The following MCPH1 variants were observed in gnomAD, a reference collection of about 807,000 sequenced individuals.
MCPH1 encodes microcephalin.
Under a neutral mutation model 84.5 loss-of-function variants are expected in MCPH1, and 104 were observed. The ratio of observed to expected loss-of-function variants is 1.23; its 90% confidence interval spans 1.05 to 1.45. The LOEUF (loss-of-function observed/expected upper bound fraction) is 1.45, where lower values mean the gene tolerates loss of function less well. Among genes scored for constraint, MCPH1 ranks in the 40% most tolerant of loss-of-function variants. The pLI is 0.00. For missense variants in MCPH1, 1,498 were observed against 1,005.7 expected, an observed-to-expected ratio of 1.49 and a Z score of -6.62; for synonymous variants, 514 against 366.8, an observed-to-expected ratio of 1.40 and a Z score of -4.58.
intron 12 of MCPH1, among the ~76,000 whole-genome samples, chr8:6,584,865 C>G (rs1827846700): frequency 6.6e-6 from 1 of 152,114 alleles, no homozygotes; most frequent in Non-Finnish European, 1.5e-5. Flanking sequence ...CACAGTTACC[C>G]CATATTTGAT....
chr8:6,505,540 T>A (rs11786947), intron 12 of MCPH1, among the ~76,000 whole-genome samples: 1 of 67,356 alleles, frequency 1.5e-5, no homozygotes, highest in Non-Finnish European at 4.0e-5. Context: ...TATGTATATA[T>A]AGAATATATA....
At chr8:6,628,332 G>A (rs1020794687) in intron 13 of MCPH1, among the ~76,000 whole-genome samples, 10 of 151,944 alleles carry the variant, frequency 6.6e-5, no homozygotes, top group South Asian at 4.2e-4. Flanking sequence ...TTAGCCGGTC[G>A]TGGTGGCAGG....
Position 6,636,310 on chromosome 8 carries a change from AG to A in MCPH1, c.2453-6683del, listed in dbSNP as rs538336768. 1.5e-3 allele frequency among the ~76,000 whole-genome samples: 230 copies of A among 150,582 alleles called. 1 individual carries two copies. The highest frequency in any genetic ancestry group is 5.4e-3 in the African/African-American group (222 of 40,794). On this transcript the variant is annotated intron_variant, in intron 13 of 13. Transcript: ENST00000344683. ...AGCCAAGATTTCACCACTGCACTCCAGCCTGTGTGACAGAGAGACTGTCTCA... is the reference window on the plus strand; with the variant it reads ...AGCCAAGATTTCACCACTGCACTCCACCTGTGTGACAGAGAGACTGTCTCA...
chr8:6,555,240 A>G (rs1369870891), intron 12 of MCPH1, among the ~76,000 whole-genome samples: 1 of 152,162 alleles, frequency 6.6e-6, no homozygotes, highest in Non-Finnish European at 1.5e-5. Flanking sequence ...GACAATAACA[A>G]TCAAACCGTT....
intron 11 of MCPH1, among the ~76,000 whole-genome samples, chr8:6,498,534 G>T (rs1422157749): frequency 1.3e-5 from 2 of 152,144 alleles, no homozygotes; most frequent in African/African-American, 4.8e-5. Flanking sequence ...TTTAGAAACG[G>T]CTAAATTTAG....
intron 13 of MCPH1, among the ~76,000 whole-genome samples, chr8:6,628,418 C>T (rs528779318): frequency 1.4e-5 from 2 of 138,560 alleles, no homozygotes; most frequent in South Asian, 2.3e-4. Flanking sequence ...TGCAGTGAGC[C>T]GAGATCACGC....
At chr8:6,464,921 C>T (rs1252167548) in intron 9 of MCPH1, among the ~76,000 whole-genome samples, 1 of 152,074 alleles carries the variant, frequency 6.6e-6, no homozygotes, top group East Asian at 1.9e-4. Flanking sequence ...ATCACTTGAA[C>T]CCAGGAGGTA....
In MCPH1 at chr8:6,499,882, A is replaced by T; in HGVS notation, c.2167A>T (p.Ile723Phe). The change falls in exon 12 of 14, where the codon ATT (isoleucine) becomes TTT (phenylalanine). Residue 723 changes from isoleucine (I) to phenylalanine (F), a missense_variant. Transcript: ENST00000344683. Reference sequence around the variant, plus strand: ...ATGGTCTTTAGAATTGGGTCACTGGATTTCTGAGGAGCCGTTCGAACTGTC... The same window carrying T: ...ATGGTCTTTAGAATTGGGTCACTGGTTTTCTGAGGAGCCGTTCGAACTGTC... ...VLWSLELGHW[I>F]SEEPFELSHH... 16 of 1,613,466 alleles carry T rather than the reference A, an allele frequency of 9.9e-6. No individual in the cohort carries two copies. Among genetic ancestry groups the T allele is most frequent in the Non-Finnish European group, 1.4e-5 (16 of 1,179,996 alleles).
In MCPH1 at chr8:6,436,181, T is replaced by C; in HGVS notation, c.436+19T>C. 1 of 1,610,158 alleles carries C rather than the reference T, an allele frequency of 6.2e-7. No homozygotes were observed. Among genetic ancestry groups the C allele is most frequent in the Non-Finnish European group, 8.5e-7 (1 of 1,178,346 alleles). Reference sequence around the variant, plus strand: ...AATCTAGGTAAGCTAAGAAATATAATACAGTTCTTTGCATTTGTGTCCATA... The same window carrying C: ...AATCTAGGTAAGCTAAGAAATATAACACAGTTCTTTGCATTTGTGTCCATA... On this transcript the variant is annotated intron_variant, in intron 5 of 13. Transcript: ENST00000344683.
chr8:6,618,185 C>T (rs992781557), intron 12 of MCPH1, among the ~76,000 whole-genome samples: 6 of 152,232 alleles, frequency 3.9e-5, no homozygotes, highest in African/African-American at 7.2e-5. Flanking sequence ...TGAGGCTTTT[C>T]GCCTTGATCT....
chr8:6,518,911 GT>G (rs748851018), intron 12 of MCPH1, among the ~76,000 whole-genome samples: 33 of 147,582 alleles, frequency 2.2e-4, no homozygotes, highest in Admixed American at 2.7e-4. Context: ...CTCCGGAAGG[GT>G]TTTTTTTTTT....
intron 8 of MCPH1, chr8:6,445,969 A>C (rs1389421536): frequency 1.0e-6 from 1 of 981,586 alleles, no homozygotes; most frequent in Middle Eastern, 5.3e-4. Context: ...ATTAAGGTAG[A>C]TTAAGCCATC....
Position 6,548,523 on chromosome 8 carries a change from C to T in MCPH1, c.2214+48594C>T, listed in dbSNP as rs562525054. Reference sequence around the variant, plus strand: ...TGCAGCTTACTTGCATTTCAGTGGTCCCAGCAAGCACTCAAGAGGAAAGAT... The same window carrying T: ...TGCAGCTTACTTGCATTTCAGTGGTTCCAGCAAGCACTCAAGAGGAAAGAT... On this transcript the variant is annotated intron_variant, in intron 12 of 13. Transcript: ENST00000344683. 1.8e-4 allele frequency among the ~76,000 whole-genome samples: 27 copies of T among 152,270 alleles called. No individual in the cohort carries two copies. In the East Asian group the frequency reaches 3.1e-3, roughly 17 times the overall value.
chr8:6,635,726 A>G (rs764154351), intron 13 of MCPH1, among the ~76,000 whole-genome samples: 4 of 152,196 alleles, frequency 2.6e-5, no homozygotes, highest in Non-Finnish European at 5.9e-5. Context: ...CCCCCAGCAG[A>G]ATGCCTCCTC....
At chr8:6,419,377 T>A (rs1799825883) in intron 3 of MCPH1, among the ~76,000 whole-genome samples, 2 of 143,054 alleles carry the variant, frequency 1.4e-5, no homozygotes, top group South Asian at 4.8e-4. Flanking sequence ...TGTGCCACCA[T>A]GCCCAGCCAT....
chr8:6,640,105 CGTGTGTGTGT>C (rs139021455), intron 13 of MCPH1, among the ~76,000 whole-genome samples: 2 of 133,532 alleles, frequency 1.5e-5, no homozygotes, highest in Non-Finnish European at 3.2e-5. Flanking sequence ...TGTGCGCGCG[CGTGTGTGTGT>C]GTGTGCGTGT....
In MCPH1 at chr8:6,648,398, T is replaced by G. The variant is rs1798316755; in HGVS notation, c.*5349T>G. The G allele has an allele frequency of 1.3e-5, 2 of 152,218 alleles. No individual in the cohort carries two copies. Among genetic ancestry groups the G allele is most frequent in the Admixed American group, 1.3e-4 (2 of 15,278 alleles). The allele number at this position is 152,218 out of a possible 1,614,324, so 9.4% of individuals were successfully genotyped here. A position where few individuals can be genotyped will look rare whatever the true frequency, so the allele number is the denominator to read the frequency against. The stretch of plus-strand genomic sequence containing the variant: ...AGAGGACCCATCAGACAGAAAGTAA[T>G]ATGCAGATAACAGCCCAGGGGAATC... On this transcript the variant is annotated 3_prime_UTR_variant, in exon 14 of 14. Coordinates refer to ENST00000344683, the MANE Select transcript of MCPH1 (RefSeq NM_024596.5).
intron 12 of MCPH1, among the ~76,000 whole-genome samples, chr8:6,603,006 G>A (rs1326055826): frequency 1.3e-5 from 2 of 151,944 alleles, no homozygotes; most frequent in Non-Finnish European, 2.9e-5. Flanking sequence ...TGTGGCCGGT[G>A]TACTATAAAC....
At chr8:6,565,044 A>G (rs919659002) in intron 12 of MCPH1, among the ~76,000 whole-genome samples, 1 of 152,192 alleles carries the variant, frequency 6.6e-6, no homozygotes, top group Non-Finnish European at 1.5e-5. Flanking sequence ...TAAAGATGCT[A>G]TACCCATCCG....
Sources: gnomAD v4.1 joint callset for allele counts (sites outside exome capture counted in the v4.1 genomes callset) on GRCh38, gnomAD v4.1.1 for gene constraint, MANE v1.5 for transcripts, NCBI Gene and HGNC (gene_info 2026-07-23, HGNC 2026-07-21) for gene names.